The following RORC variants were observed in gnomAD, a reference collection of about 807,000 sequenced individuals.
RORC encodes the protein RAR related orphan receptor C.
Under a neutral mutation model 64.5 loss-of-function variants are expected in RORC, and 13 were observed. That is an observed-to-expected ratio of 0.20 (90% CI 0.13 to 0.32). The LOEUF is 0.32. Among genes scored for constraint, RORC ranks in the 10% least tolerant of loss-of-function variants. The pLI is 1.00. For missense variants in RORC, 468 were observed against 669.5 expected, an observed-to-expected ratio of 0.70 and a Z score of 3.32; for synonymous variants, 277 against 259.3, an observed-to-expected ratio of 1.07 and a Z score of -0.65.
At chr1:151,825,387 T>C (rs1652152643) in intron 2 of RORC, among the ~76,000 whole-genome samples, 2 of 152,176 alleles carry the variant, frequency 1.3e-5, no homozygotes, top group South Asian at 4.1e-4. Context: ...GCCTGGTGGC[T>C]TTGAGGCCTG....
chr1:151,828,839 C>T (rs1457168846), intron 2 of RORC, among the ~76,000 whole-genome samples: 3 of 152,074 alleles, frequency 2.0e-5, no homozygotes, highest in Non-Finnish European at 4.4e-5. Flanking sequence ...ATTAGCCAGG[C>T]GTGGTGGTGG....
intron 2 of RORC, 52 bp from the exon 3 acceptor site, chr1:151,817,332 AC>A: frequency 8.1e-7 from 1 of 1,227,674 alleles, no homozygotes; most frequent in Non-Finnish European, 1.2e-6. Flanking sequence ...TCTGCATTCA[AC>A]CACCATGTAC....
chr1:151,811,300 C>T (rs1277828496), intron 10 of RORC, 25 bp downstream of exon 10: 1 of 1,517,730 alleles, frequency 6.6e-7, no homozygotes, highest in Non-Finnish European at 9.1e-7. Context: ...GGCCTGGCCT[C>T]TTCTACCCCA....
intron 2 of RORC, among the ~76,000 whole-genome samples, chr1:151,829,019 C>G (rs1219166017): frequency 6.6e-6 from 1 of 151,472 alleles, no homozygotes; most frequent in Non-Finnish European, 1.5e-5. Context: ...TCCCTGTCTC[C>G]CTTGGCAGCA....
chr1:151,813,930 C>T (rs1257966416), intron 6 of RORC: 4 of 303,236 alleles, frequency 1.3e-5, no homozygotes, highest in South Asian at 5.8e-5. Flanking sequence ...CTGCCCCTTC[C>T]CCCACAAAGG....
At chr1:151,809,122 G>T (rs1651420819) in intron 10 of RORC, among the ~76,000 whole-genome samples, 1 of 152,226 alleles carries the variant, frequency 6.6e-6, no homozygotes, top group Non-Finnish European at 1.5e-5. Flanking sequence ...GTCAAGGCCA[G>T]GTGTGGTGGT....
At chr1:151,813,731 G>T in intron 6 of RORC, 111 bp from the exon 7 acceptor site, 1 of 1,214,716 alleles carries the variant, frequency 8.2e-7, no homozygotes, top group Non-Finnish European at 1.1e-6. Flanking sequence ...GAACTCCTAT[G>T]TTCTCAACTA....
intron 2 of RORC, among the ~76,000 whole-genome samples, chr1:151,828,591 C>T (rs1257931067): frequency 2.0e-5 from 3 of 152,210 alleles, no homozygotes; most frequent in African/African-American, 7.2e-5. Flanking sequence ...TAAAGCTCTC[C>T]TGCTCTCTAG....
rs1401597728 is a variant in RORC, at chr1:151,814,664, G to A, written c.843C>T (p.Tyr281=). 1 of 1,612,534 alleles carries A rather than the reference G, an allele frequency of 6.2e-7. No homozygotes were observed. Among genetic ancestry groups the A allele is most frequent in the Non-Finnish European group, 8.5e-7 (1 of 1,179,104 alleles). ...EHLVQSVCKS[Y]RETCQLRLED... is the part of the protein sequence containing the mutation. ...CCAGCCGCAGCTGGCATGTCTCCCTGTAGGACTTGCAGACGCTCTGCACCA... is the reference window on the plus strand; with the variant it reads ...CCAGCCGCAGCTGGCATGTCTCCCTATAGGACTTGCAGACGCTCTGCACCA... Residue 281 remains tyrosine (Y), a synonymous_variant, in exon 6 of 11, where the codon TAC becomes TAT. Transcript: ENST00000318247.
chr1:151,829,290 C>T (rs921952718), intron 2 of RORC, 139 bp downstream of exon 2: 9 of 715,662 alleles, frequency 1.3e-5, no homozygotes, highest in African/African-American at 1.9e-5. Flanking sequence ...TCGCACCTCC[C>T]CTTGCTTTCC....
chr1:151,821,120 G>A (rs745568411), intron 2 of RORC, among the ~76,000 whole-genome samples: 13 of 152,138 alleles, frequency 8.5e-5, no homozygotes, highest in Non-Finnish European at 1.5e-4. Flanking sequence ...TCCTCTAATC[G>A]AGCCTCTCAC....
intron 2 of RORC, among the ~76,000 whole-genome samples, chr1:151,825,723 T>C (rs1652168721): frequency 1.3e-5 from 2 of 152,036 alleles, no homozygotes; most frequent in African/African-American, 4.8e-5. Context: ...TCCTCAACAG[T>C]CCTCTTACCA....
chr1:151,814,736 C>T (rs1343215296), intron 5 of RORC, 41 bp from the exon 6 acceptor site: 8 of 1,587,072 alleles, frequency 5.0e-6, no homozygotes, highest in Non-Finnish European at 6.0e-6. Flanking sequence ...TCTCAGCCAG[C>T]TCCTACGCCT....
intron 1 of RORC, chr1:151,831,146 A>T: frequency 7.9e-7 from 1 of 1,263,680 alleles, no homozygotes; most frequent in Non-Finnish European, 1.0e-6. Context: ...CAGAGATGAA[A>T]TCCCACATCC....
chr1:151,810,951 C>T (rs75008841), intron 10 of RORC, among the ~76,000 whole-genome samples: 3,368 of 152,282 alleles, frequency 0.022, 127 homozygotes, highest in African/African-American at 0.077. Flanking sequence ...CCACATTCTA[C>T]TCTATGTTAG....
In RORC at chr1:151,830,907, G is replaced by T. The variant is rs867485653; in HGVS notation, c.40+818C>A. ...TTGCACCTCAGAGCAGTCCTGTGGT[G>T]GGGGTGCTCCCCTTGCTCACCCAGG... On this transcript the variant is annotated intron_variant, in intron 1 of 10. Coordinates refer to ENST00000318247, the MANE Select transcript of RORC (RefSeq NM_005060.4). This position sits in a 1 kb window ranked among gnomAD's most constrained non-coding sequence, Gnocchi z 4.0. 7.8e-7 allele frequency: 1 copy of T among 1,280,564 alleles called. No homozygotes were observed. Among genetic ancestry groups the T allele is most frequent in the Middle Eastern group, 2.5e-4 (1 of 3,992 alleles). The allele number at this position is 1,280,564 out of a possible 1,614,324, so 79.3% of individuals were successfully genotyped here.
chr1:151,829,322 G>A, intron 2 of RORC, 107 bp downstream of exon 2: 1 of 1,071,948 alleles, frequency 9.3e-7, no homozygotes, highest in Non-Finnish European at 1.3e-6. Context: ...ATCTCTTCCT[G>A]ACTCCTCCAC....
intron 6 of RORC, chr1:151,814,360 C>G (rs1321148948): frequency 1.9e-6 from 1 of 519,534 alleles, no homozygotes; most frequent in East Asian, 3.2e-5. Context: ...TTTTAATAGG[C>G]AAGAACTAAG....
At chr1:151,813,655 C>G (rs757055745) in intron 6 of RORC, 35 bp from the exon 7 acceptor site, 6 of 1,608,216 alleles carry the variant, frequency 3.7e-6, no homozygotes, top group South Asian at 1.1e-5. Context: ...CTGTAGCGCT[C>G]TGTGTGGCCC....
Sources: gnomAD v4.1 joint callset for allele counts (sites outside exome capture counted in the v4.1 genomes callset) on GRCh38, gnomAD v4.1.1 for gene constraint, Gnocchi (gnomAD v3.1) non-coding constraint, MANE v1.5 for transcripts, NCBI Gene and HGNC (gene_info 2026-07-23, HGNC 2026-07-21) for gene names.